Variants in CTNND1 observed in about 807,000 individuals in gnomAD.
CTNND1 encodes the protein catenin delta-1.
In CTNND1, 16 loss-of-function variants were observed where a neutral mutation model predicts 112.1. That is an observed-to-expected ratio of 0.14 (90% CI 0.10 to 0.22). The LOEUF (loss-of-function observed/expected upper bound fraction) is 0.22. Ranked by LOEUF, CTNND1 falls within the 10% of genes least tolerant of loss-of-function variation. CTNND1 has a pLI of 1.00. For missense variants in CTNND1, 1,008 were observed against 1,257.0 expected (o/e 0.80, Z 3.00); for synonymous variants, 420 against 446.5 (o/e 0.94, Z 0.75).
At position 57,796,810 on chromosome 11, in the gene CTNND1, G is replaced by A. The variant is rs1478575916; in HGVS notation, c.774G>A (p.Gly258=). ...CACCTAGTAGACAGGATGTGTATGGGCCCCAACCCCAGGTTCGGGTAGGTG... is the reference window on the plus strand; with the variant it reads ...CACCTAGTAGACAGGATGTGTATGGACCCCAACCCCAGGTTCGGGTAGGTG... ...YRAPSRQDVY[G]PQPQVRVGGS... The change falls in exon 6 of 21, where the codon GGG becomes GGA. Residue 258 remains glycine, a synonymous_variant. Coordinates refer to ENST00000399050, the MANE Select transcript of CTNND1 (RefSeq NM_001085458.2). The A allele has an allele frequency of 6.2e-7, 1 of 1,610,318 alleles. No homozygotes were observed. Among genetic ancestry groups the A allele is most frequent in the Non-Finnish European group, 8.5e-7 (1 of 1,177,498 alleles).
rs1408327361 is a variant in CTNND1, at chr11:57,815,912, C to T, written c.2809-3C>T. The stretch of plus-strand genomic sequence containing the variant: ...CATACTAACAAATTGCATGTGTTCA[C>T]AGCAGGACGAGGGGCAGGAATCTCT... On this transcript the variant is annotated splice_region_variant and splice_polypyrimidine_tract_variant and intron_variant, in intron 19 of 20. Transcript: ENST00000399050. 5.0e-6 allele frequency: 8 copies of T among 1,607,190 alleles called. No individual in the cohort carries two copies. Among genetic ancestry groups the T allele is most frequent in the Non-Finnish European group, 6.8e-6 (8 of 1,177,888 alleles).
At chr11:57,805,144 C>G (rs919908631) in intron 9 of CTNND1, among the ~76,000 whole-genome samples, 3 of 152,130 alleles carry the variant, frequency 2.0e-5, no homozygotes, top group African/African-American at 7.2e-5. Flanking sequence ...CGTGATCCCC[C>G]TGCCTCAGCC....
At chr11:57,790,333 C>T (rs932284457) in intron 2 of CTNND1, among the ~76,000 whole-genome samples, 4 of 151,566 alleles carry the variant, frequency 2.6e-5, no homozygotes, top group East Asian at 1.9e-4. Flanking sequence ...ACCTCGGCCT[C>T]GTAAAGTGCT....
chr11:57,786,978 A>G (rs930263457), intron 1 of CTNND1, among the ~76,000 whole-genome samples: 3 of 152,228 alleles, frequency 2.0e-5, no homozygotes, highest in Non-Finnish European at 4.4e-5. Context: ...AAGAGAACAC[A>G]GGCTTTGGAA....
chr11:57,778,367 G>A (rs2059226231), intron 1 of CTNND1, among the ~76,000 whole-genome samples: 1 of 152,204 alleles, frequency 6.6e-6, no homozygotes, highest in South Asian at 2.1e-4. Context: ...ATCCAGATTG[G>A]TAATCAAATT....
At chr11:57,806,307 T>A (rs991786301) in intron 10 of CTNND1, among the ~76,000 whole-genome samples, 154 bp from the exon 11 acceptor site, 6 of 152,136 alleles carry the variant, frequency 3.9e-5, no homozygotes, top group South Asian at 2.1e-4. Context: ...ATCTGGGACC[T>A]TCTTCCCCAT....
intron 16 of CTNND1, 104 bp downstream of exon 16, chr11:57,810,327 T>A (rs542309151): frequency 2.4e-6 from 2 of 823,108 alleles, no homozygotes; most frequent in African/African-American, 1.8e-5. Context: ...ATGCTAAACC[T>A]ATTTTTTTTT....
chr11:57,768,309 A>G (rs1286631675), intron 1 of CTNND1, among the ~76,000 whole-genome samples: 1 of 151,522 alleles, frequency 6.6e-6, no homozygotes, highest in East Asian at 1.9e-4. Context: ...TAGTATGAGA[A>G]TGGATAACTT....
In CTNND1 at chr11:57,819,479, CTT is replaced by C. The variant is rs2064130216; in HGVS notation, c.*3172_*3173del. On this transcript the variant is annotated 3_prime_UTR_variant, in exon 21 of 21. Transcript: ENST00000399050. ...CATTGAGCTAGATACAAACCCTACTCTTCTCTCTTCCTTCTGGATTGGTCCAT... is the reference window on the plus strand; with the variant it reads ...CATTGAGCTAGATACAAACCCTACTCCTCTCTTCCTTCTGGATTGGTCCAT... 6.6e-6 allele frequency: 1 copy of C among 152,220 alleles called. No individual in the cohort carries two copies. Among genetic ancestry groups the C allele is most frequent in the South Asian group, 2.1e-4 (1 of 4,826 alleles). 9.4% of individuals were successfully genotyped at this position (152,220 alleles called of 1,614,324 possible).
At chr11:57,807,377 G>A (rs758944611) in intron 12 of CTNND1, among the ~76,000 whole-genome samples, 9 of 151,940 alleles carry the variant, frequency 5.9e-5, no homozygotes, top group East Asian at 3.9e-4. Flanking sequence ...AGGCCGAGGC[G>A]GGCAGATCAC....
In CTNND1 at chr11:57,801,509, A is replaced by G. The variant is rs527353088; in HGVS notation, c.957-224A>G. 3.2e-4 allele frequency among the ~76,000 whole-genome samples: 49 copies of G among 152,336 alleles called. 1 individual carries two copies. Among genetic ancestry groups the G allele is most frequent in the African/African-American group, 1.1e-3 (47 of 41,572 alleles). On this transcript the variant is annotated intron_variant, in intron 6 of 20. Transcript: ENST00000399050. ...TAAGCCTGCAGACTTCAAAGAAAAA[A>G]ATGTAGTTTTAATTAAATTGCAGGT...
intron 1 of CTNND1, among the ~76,000 whole-genome samples, chr11:57,768,211 G>A (rs1951598009): frequency 6.6e-6 from 1 of 151,926 alleles, no homozygotes; most frequent in South Asian, 2.1e-4. Context: ...TCCTGAGTGG[G>A]TAAAGCTAAC....
At chr11:57,809,041 A>G (rs1227304769) in intron 14 of CTNND1, among the ~76,000 whole-genome samples, 1 of 152,234 alleles carries the variant, frequency 6.6e-6, no homozygotes, top group African/African-American at 2.4e-5. Flanking sequence ...AATATACAGT[A>G]TTTACACTTT....
At chr11:57,808,771 A>G (rs888203162) in intron 14 of CTNND1, among the ~76,000 whole-genome samples, 2 of 152,220 alleles carry the variant, frequency 1.3e-5, no homozygotes, top group African/African-American at 2.4e-5. Flanking sequence ...TTTATTGAGC[A>G]CTTACTTTGT....
intron 3 of CTNND1, among the ~76,000 whole-genome samples, chr11:57,792,913 T>G (rs1206817244): frequency 6.6e-6 from 1 of 151,264 alleles, no homozygotes; most frequent in Non-Finnish European, 1.5e-5. Flanking sequence ...GAATTCCAGT[T>G]GGAGGATCAA....
At chr11:57,799,649 A>G (rs1277122775) in intron 6 of CTNND1, among the ~76,000 whole-genome samples, 1 of 152,260 alleles carries the variant, frequency 6.6e-6, no homozygotes, top group African/African-American at 2.4e-5. Context: ...TGTTTCTTGT[A>G]AAACAAAGGA....
chr11:57,801,683 C>A, intron 6 of CTNND1, 50 bp from the exon 7 acceptor site: 1 of 1,486,076 alleles, frequency 6.7e-7, no homozygotes, highest in South Asian at 1.2e-5. Flanking sequence ...GTCCAGGAAG[C>A]TAGCCATAAT....
chr11:57,816,169 A>G (rs1247060729), intron 20 of CTNND1, 128 bp from the exon 21 acceptor site: 1 of 1,277,050 alleles, frequency 7.8e-7, no homozygotes, highest in Non-Finnish European at 1.1e-6. Flanking sequence ...AGTCTGGGAC[A>G]TGCAGCTGGT....
intron 3 of CTNND1, among the ~76,000 whole-genome samples, chr11:57,792,181 CAT>C (rs1320244855): frequency 6.6e-6 from 1 of 152,086 alleles, no homozygotes; most frequent in African/African-American, 2.4e-5. Flanking sequence ...CTGTGTAAAT[CAT>C]GTGTTGGAGG....
Sources: gnomAD v4.1 joint callset for allele counts (sites outside exome capture counted in the v4.1 genomes callset) on GRCh38, gnomAD v4.1.1 for gene constraint, MANE v1.5 for transcripts, NCBI Gene and HGNC (gene_info 2026-07-23, HGNC 2026-07-21) for gene names.